The following SH3TC2 variants were observed in gnomAD, a reference collection of about 807,000 sequenced individuals.
SH3TC2 encodes SH3 domain and tetratricopeptide repeats 2.
SH3TC2 carries 87 observed loss-of-function variants against 124.5 expected under a neutral mutation model. The ratio of observed to expected loss-of-function variants is 0.70; its 90% CI spans 0.59 to 0.84. SH3TC2 has a LOEUF of 0.84. Ranked by LOEUF, SH3TC2 falls within the 40% of genes least tolerant of loss-of-function variation. SH3TC2 has a pLI of 0.00. For missense variants in SH3TC2, 1,536 were observed against 1,566.4 expected, an observed-to-expected ratio of 0.98 and a Z score of 0.33; for synonymous variants, 634 against 628.5, an observed-to-expected ratio of 1.01 and a Z score of -0.13.
chr5:148,993,522 C>G lies in SH3TC2; in HGVS notation c.*11189G>C, dbSNP rs1291161730. 6.6e-6 allele frequency among the ~76,000 whole-genome samples: 1 copy of G among 152,126 alleles called. No homozygotes were observed. The highest frequency in any genetic ancestry group is 2.4e-5 in the African/African-American group (1 of 41,426). ...AGAAAATACTTTCTTGATAAAAATT[C>G]AGCCATTATTGGTGTTTTTAATGTT... On this transcript the variant is annotated 3_prime_UTR_variant, in exon 17 of 17. Coordinates refer to ENST00000515425, the MANE Select transcript of SH3TC2 (RefSeq NM_024577.4).
chr5:149,010,767 T>C (rs1753772170), intron 13 of SH3TC2, among the ~76,000 whole-genome samples: 3 of 152,024 alleles, frequency 2.0e-5, no homozygotes. Flanking sequence ...AAAAGCTACG[T>C]TGATTTGATG....
chr5:149,028,007 C>G lies in SH3TC2; in HGVS notation c.1725G>C (p.Leu575Phe). The G allele has an allele frequency of 6.2e-7, 1 of 1,614,170 alleles. No individual in the cohort carries two copies. Among genetic ancestry groups the G allele is most frequent in the Non-Finnish European group, 8.5e-7 (1 of 1,180,046 alleles). ...GCCTCTGTTTCAGGTAGATGGCAGC[C>G]AAATTGATGTACAGAGTGGCCACCA... ...LSLVATLYIN[L>F]AAIYLKQRLR... Residue 575 changes from leucine to phenylalanine, a missense_variant, in exon 11 of 17, where the codon TTG becomes TTC. Leu to Phe is a conservative substitution (Grantham distance 22). Around this residue, in one of 3 missense-constraint regions of SH3TC2, gnomAD observed 1,102 missense variants for 1,098.6 expected, o/e 1.00. Transcript: ENST00000515425.
intron 15 of SH3TC2, chr5:149,007,372 A>T (rs1288315225): frequency 8.5e-6 from 5 of 588,896 alleles, no homozygotes; most frequent in Non-Finnish European, 1.5e-5. Flanking sequence ...GGTTTCCTGG[A>T]GTGATTCCCA....
At chr5:149,026,213 G>T in intron 12 of SH3TC2, 3 of 288,252 alleles carry the variant, frequency 1.0e-5, no homozygotes, top group Non-Finnish European at 2.0e-5. Flanking sequence ...GTGACAGGTG[G>T]TTATAGAAAC....
At chr5:149,055,387 A>G (rs538653503) in intron 1 of SH3TC2, among the ~76,000 whole-genome samples, 2 of 152,320 alleles carry the variant, frequency 1.3e-5, no homozygotes, top group African/African-American at 4.8e-5. Context: ...ACTTTTCACC[A>G]ATGACAATAT....
intron 2 of SH3TC2, among the ~76,000 whole-genome samples, chr5:149,051,705 C>T (rs1011960728): frequency 2.6e-4 from 39 of 152,170 alleles, no homozygotes; most frequent in Admixed American, 2.6e-3. Flanking sequence ...CCTCCCATCT[C>T]AGCTTCCCAA....
In SH3TC2 at chr5:149,027,914, C is replaced by T; in HGVS notation, c.1818G>A (p.Glu606=). 6.2e-7 allele frequency: 1 copy of T among 1,614,076 alleles called. No individual in the cohort carries two copies. Among genetic ancestry groups the T allele is most frequent in the Non-Finnish European group, 8.5e-7 (1 of 1,180,040 alleles). The part of the protein sequence containing the change: ...GALLACLPDR[E]SSAKHELDVV... ...CGTCGAGTTCATGCTTGGCACTAGA[C>T]TCACGGTCAGGCAGGCAGGCCAGCA... The change falls in exon 11 of 17, where the codon GAG becomes GAA. Residue 606 remains glutamate (E), a synonymous_variant. Transcript: ENST00000515425.
In SH3TC2 at chr5:148,996,030, C is replaced by A. The variant is rs1753503907; in HGVS notation, c.*8681G>T. Among the ~76,000 whole-genome samples the A allele has an allele frequency of 6.6e-6, 1 of 151,792 alleles. No individual in the cohort carries two copies. Among genetic ancestry groups the A allele is most frequent in the African/African-American group, 2.4e-5 (1 of 41,306 alleles). On this transcript the variant is annotated 3_prime_UTR_variant, in exon 17 of 17. Coordinates refer to ENST00000515425, the MANE Select transcript of SH3TC2 (RefSeq NM_024577.4). ...GCTGAGGTGGGTGGATGATTTGAGC[C>A]CAGGAGTTTGAGACTAGCATGGGCA...
intron 1 of SH3TC2, among the ~76,000 whole-genome samples, chr5:149,060,725 G>T (rs1454605211): frequency 1.3e-5 from 2 of 152,136 alleles, no homozygotes; most frequent in African/African-American, 4.8e-5. Context: ...ATTAACTAAC[G>T]ATAAAACAGC....
rs1326174533 is a variant in SH3TC2 at position 148,983,592 on chromosome 5, C to A, written c.*21119G>T. On this transcript the variant is annotated 3_prime_UTR_variant, in exon 17 of 17. Transcript: ENST00000515425. ...ATTTCATCTTGCTGAAGTGCACATT[C>A]CCCTTCCAGTAACAGCAATCTAGCT... Among the ~76,000 whole-genome samples the A allele has an allele frequency of 1.3e-5, 2 of 152,162 alleles. No individual in the cohort carries two copies. The highest frequency in any genetic ancestry group is 2.9e-5 in the Non-Finnish European group (2 of 68,032).
At chr5:149,035,771 G>A (rs1299572930) in intron 8 of SH3TC2, 1 of 152,176 alleles carries the variant, frequency 6.6e-6, no homozygotes, top group Non-Finnish European at 1.5e-5. Context: ...CAGCACAGAG[G>A]ACGCTGCTCT....
rs375042276 is a variant in SH3TC2 at position 149,042,667 on chromosome 5, C to A, written c.529+27G>T. 1.9e-6 allele frequency: 3 copies of A among 1,613,762 alleles called. No homozygotes were observed. In the African/African-American group the frequency reaches 4.0e-5, roughly 22 times the overall value. ...TGGTAGCAAATATCTGAATAAGATC[C>A]CATCTCTACCCCTATGCCACACTCA... On this transcript the variant is annotated intron_variant, in intron 5 of 16. Coordinates refer to ENST00000515425, the MANE Select transcript of SH3TC2 (RefSeq NM_024577.4).
At position 149,044,656 on chromosome 5, in the gene SH3TC2, T is replaced by C. The variant is rs1349104801; in HGVS notation, c.280-18A>G. The C allele has an allele frequency of 1.3e-6, 2 of 1,593,416 alleles. No homozygotes were observed. Among genetic ancestry groups the C allele is most frequent in the East Asian group, 2.2e-5 (1 of 44,764 alleles). On this transcript the variant is annotated intron_variant, in intron 3 of 16. Coordinates refer to ENST00000515425, the MANE Select transcript of SH3TC2 (RefSeq NM_024577.4). Reference sequence around the variant, plus strand: ...GAGAGGTCCTACGTAAAGGAAACAATGAGTCAGCCTGGGATGACAGAAGTG... The same window carrying C: ...GAGAGGTCCTACGTAAAGGAAACAACGAGTCAGCCTGGGATGACAGAAGTG...
At chr5:149,039,599 T>A (rs1006012429) in intron 7 of SH3TC2, among the ~76,000 whole-genome samples, 15 of 152,254 alleles carry the variant, frequency 9.9e-5, no homozygotes, top group Non-Finnish European at 1.5e-4. Context: ...AATATCTACA[T>A]TGTAAGAGAA....
chr5:149,038,167 A>G (rs1754314022), intron 8 of SH3TC2, 128 bp downstream of exon 8: 19 of 784,090 alleles, frequency 2.4e-5, no homozygotes, highest in Non-Finnish European at 4.1e-5. Context: ...CCTTGGTGTC[A>G]GCATGTGCTT....
intron 15 of SH3TC2, chr5:149,007,422 C>T: frequency 3.7e-6 from 2 of 542,698 alleles, no homozygotes; most frequent in South Asian, 4.8e-5. Context: ...TACTGTAATG[C>T]AGGATTCTGA....
intron 14 of SH3TC2, 88 bp downstream of exon 14, chr5:149,010,182 A>G (rs1357404377): frequency 1.3e-6 from 2 of 1,564,032 alleles, no homozygotes; most frequent in Non-Finnish European, 1.8e-6. Flanking sequence ...GCAAGAGAGG[A>G]GAAGAGGGAC....
Position 148,992,181 on chromosome 5 carries a change from A to G in SH3TC2, c.*12530T>C, listed in dbSNP as rs1054717339. 1.3e-5 allele frequency among the ~76,000 whole-genome samples: 2 copies of G among 152,244 alleles called. No individual in the cohort carries two copies. The highest frequency in any genetic ancestry group is 2.9e-5 in the Non-Finnish European group (2 of 68,030). Reference sequence around the variant, plus strand: ...TGAAGTTGATATCATTAATACTTCCATATTACAGATGCAGAAATGGAGGCC... The same window carrying G: ...TGAAGTTGATATCATTAATACTTCCGTATTACAGATGCAGAAATGGAGGCC... On this transcript the variant is annotated 3_prime_UTR_variant, in exon 17 of 17. Transcript: ENST00000515425.
chr5:149,008,674 C>A (rs1313371942), intron 15 of SH3TC2, 177 bp downstream of exon 15: 1 of 801,930 alleles, frequency 1.2e-6, no homozygotes, highest in Non-Finnish European at 2.0e-6. Flanking sequence ...TTGGTGATGA[C>A]AAGCTTGAGG....
Sources: allele counts gnomAD v4.1 joint callset (sites outside exome capture counted in the v4.1 genomes callset), GRCh38; gene constraint gnomAD v4.1.1; regional missense constraint gnomAD v4.1.1; transcripts MANE v1.5; gene names NCBI Gene and HGNC (gene_info 2026-07-23, HGNC 2026-07-21).